The following SPIRE1 variants were observed in gnomAD, a reference collection of about 807,000 sequenced individuals.
The protein encoded by SPIRE1 is spire type actin nucleation factor 1, also known as protein spire homolog 1.
Under a neutral mutation model 94.1 loss-of-function variants are expected in SPIRE1, and 40 were observed. That is an observed-to-expected ratio of 0.43 (90% CI 0.33 to 0.55). The LOEUF is 0.55. SPIRE1 is among the 20% of genes least tolerant of loss of function. The pLI is 0.06. For synonymous variants in SPIRE1, 376 were observed against 371.7 expected, an observed-to-expected ratio of 1.01 and a Z score of -0.13; for missense variants, 838 against 975.2, an observed-to-expected ratio of 0.86 and a Z score of 1.87.
chr18:12,644,960 C>T (rs1437098983), intron 1 of SPIRE1, among the ~76,000 whole-genome samples: 1 of 152,106 alleles, frequency 6.6e-6, no homozygotes, highest in Non-Finnish European at 1.5e-5. Flanking sequence ...AAGAGAGCGG[C>T]CGGGCACCAT....
intron 8 of SPIRE1, among the ~76,000 whole-genome samples, chr18:12,487,519 C>T (rs1045363634): frequency 2.6e-5 from 4 of 151,402 alleles, no homozygotes; most frequent in African/African-American, 7.3e-5. Context: ...AGCAATCTCC[C>T]GAGTAGCTGG....
intron 5 of SPIRE1, among the ~76,000 whole-genome samples, chr18:12,508,730 A>G (rs2033924062): frequency 6.7e-6 from 1 of 150,166 alleles, no homozygotes; most frequent in Non-Finnish European, 1.5e-5. Flanking sequence ...GTTGGAGTGC[A>G]ATGGTGCAAT....
chr18:12,479,855 T>A lies in SPIRE1; in HGVS notation c.1248A>T (p.Glu416Asp), dbSNP rs1797745536. The change falls in exon 10 of 17, where the codon GAA (glutamate) becomes GAT (aspartate). Residue 416 changes from glutamate to aspartate, a missense_variant. Around this residue, in one of 2 missense-constraint regions of SPIRE1, gnomAD observed 645 missense variants for 804.7 expected, o/e 0.80. Coordinates refer to ENST00000409402, the MANE Select transcript of SPIRE1 (RefSeq NM_001128626.2). ...SFDLSDVTTP[E>D]STKNLVESSM... ...ATGACTCCACAAGATTCTTTGTAGA[T>A]TCAGGGGTAGTCACATCTGGTAAAA... 6.2e-7 allele frequency: 1 copy of A among 1,613,200 alleles called. No individual in the cohort carries two copies. Among genetic ancestry groups the A allele is most frequent in the Admixed American group, 1.7e-5 (1 of 59,780 alleles).
chr18:12,658,428 CG>C (rs920005312), upstream of SPIRE1: 10 of 398,346 alleles, frequency 2.5e-5, no homozygotes, highest in African/African-American at 1.9e-4. Flanking sequence ...CACGCGGGGC[CG>C]GGCGCGCGGT....
chr18:12,450,486 T>C (rs930585663), intron 16 of SPIRE1: 3 of 557,784 alleles, frequency 5.4e-6, no homozygotes, highest in Non-Finnish European at 8.8e-6. Flanking sequence ...GGGCAAGATG[T>C]CTGCTTATGC....
chr18:12,634,815 A>T (rs2037878579), intron 2 of SPIRE1, among the ~76,000 whole-genome samples: 1 of 152,082 alleles, frequency 6.6e-6, no homozygotes, highest in African/African-American at 2.4e-5. Context: ...GGTGCCTATA[A>T]TCCCAGCCAG....
In SPIRE1 at chr18:12,453,151, A is replaced by G; in HGVS notation, c.1777-13T>C. 6 of 1,596,834 alleles carry G rather than the reference A, an allele frequency of 3.8e-6. No homozygotes were observed. The highest frequency in any genetic ancestry group is 5.1e-6 in the Non-Finnish European group (6 of 1,172,514). ...AACAAAAGCAGAGCTAAAAAATACA[A>G]ATTTAAGAGGAAAAAAAACATTGCC... On this transcript the variant is annotated splice_polypyrimidine_tract_variant and intron_variant, in intron 13 of 16. Transcript: ENST00000409402.
intron 9 of SPIRE1, 115 bp from the exon 10 acceptor site, chr18:12,479,986 A>G: frequency 1.1e-6 from 1 of 946,336 alleles, no homozygotes. Flanking sequence ...ATTCAGTAAC[A>G]CCTTGCCTAT....
At chr18:12,636,993 C>T (rs1216164483) in intron 1 of SPIRE1, among the ~76,000 whole-genome samples, 2 of 152,124 alleles carry the variant, frequency 1.3e-5, no homozygotes, top group African/African-American at 4.8e-5. Flanking sequence ...GCCTACTCTG[C>T]ATGGGGGGAA....
At chr18:12,617,215 AGTGGT>A in intron 2 of SPIRE1, among the ~76,000 whole-genome samples, 1 of 145,044 alleles carries the variant, frequency 6.9e-6, no homozygotes, top group South Asian at 2.2e-4. Flanking sequence ...GCTGGAGTGC[AGTGGT>A]GCGATCTCAG....
At chr18:12,495,858 TA>T (rs1403634451) in intron 7 of SPIRE1, among the ~76,000 whole-genome samples, 157 bp downstream of exon 7, 1 of 152,080 alleles carries the variant, frequency 6.6e-6, no homozygotes, top group African/African-American at 2.4e-5. Context: ...AACTCTGTCT[TA>T]AAAACAAAAA....
chr18:12,658,737 C>A, upstream of SPIRE1: 1 of 403,014 alleles, frequency 2.5e-6, no homozygotes, highest in South Asian at 1.8e-5. Context: ...CGATTTCTTG[C>A]TGGTTGAATA....
chr18:12,498,755 T>C (rs2033553822), intron 6 of SPIRE1, among the ~76,000 whole-genome samples: 1 of 152,126 alleles, frequency 6.6e-6, no homozygotes, highest in Non-Finnish European at 1.5e-5. Context: ...GCCTCCTGAG[T>C]AGCTGGGACT....
intron 9 of SPIRE1, among the ~76,000 whole-genome samples, chr18:12,482,304 A>C (rs2032871908): frequency 6.6e-6 from 1 of 152,018 alleles, no homozygotes; most frequent in Non-Finnish European, 1.5e-5. Context: ...CACCACGCCC[A>C]GCTAATTTTT....
At chr18:12,502,330 A>T (rs1438613647) in intron 6 of SPIRE1, among the ~76,000 whole-genome samples, 1 of 152,220 alleles carries the variant, frequency 6.6e-6, no homozygotes, top group Non-Finnish European at 1.5e-5. Flanking sequence ...TTAATGATAA[A>T]TCAAATAGAA....
intron 10 of SPIRE1, among the ~76,000 whole-genome samples, chr18:12,472,394 G>GTC (rs1568191590): frequency 1.3e-5 from 2 of 149,410 alleles, no homozygotes; most frequent in Non-Finnish European, 1.5e-5. Context: ...TTGAGACAGG[G>GTC]TCTCACTCTA....
chr18:12,458,624 AAAAC>A (rs952026835), intron 12 of SPIRE1, among the ~76,000 whole-genome samples: 15 of 152,116 alleles, frequency 9.9e-5, no homozygotes, highest in African/African-American at 2.4e-4. Context: ...AAAAAAAACA[AAAAC>A]AAACAAACAA....
intron 4 of SPIRE1, among the ~76,000 whole-genome samples, chr18:12,513,632 T>C (rs2034107912): frequency 6.6e-6 from 1 of 151,938 alleles, no homozygotes; most frequent in East Asian, 1.9e-4. Flanking sequence ...CAAGCGATTC[T>C]CCTGCCTCAG....
chr18:12,525,053 G>A (rs1346006356), intron 4 of SPIRE1, among the ~76,000 whole-genome samples: 1 of 151,626 alleles, frequency 6.6e-6, no homozygotes, highest in Non-Finnish European at 1.5e-5. Context: ...GAGGCAGGCA[G>A]ATCATGAGGT....
Sources: allele counts gnomAD v4.1 joint callset (sites outside exome capture counted in the v4.1 genomes callset), GRCh38; gene constraint gnomAD v4.1.1; regional missense constraint gnomAD v4.1.1; transcripts MANE v1.5; gene names NCBI Gene and HGNC (gene_info 2026-07-23, HGNC 2026-07-21).